UNC5C: variants seen among roughly 807,000 people sequenced by gnomAD.
UNC5C encodes the protein unc-5 netrin receptor C.
A neutral mutation model predicts 99.8 loss-of-function variants in UNC5C; 47 were observed. That is an observed-to-expected ratio of 0.47 (90% CI 0.37 to 0.60). The LOEUF (loss-of-function observed/expected upper bound fraction) is 0.60. Ranked by LOEUF, UNC5C falls within the 20% of genes least tolerant of loss-of-function variation. The pLI, the probability that UNC5C is intolerant of heterozygous loss-of-function variation, is 0.00. For synonymous variants in UNC5C, 487 were observed against 452.2 expected (o/e 1.08, Z -0.98); for missense variants, 1,062 against 1,165.9 (o/e 0.91, Z 1.30).
intron 1 of UNC5C, among the ~76,000 whole-genome samples, chr4:95,382,227 T>A (rs1218897923): frequency 6.6e-6 from 1 of 151,922 alleles, no homozygotes; most frequent in East Asian, 1.9e-4. Flanking sequence ...AATCCCAACA[T>A]TTTGGGAGGC....
At chr4:95,482,630 C>A (rs1469599693) in intron 1 of UNC5C, among the ~76,000 whole-genome samples, 4 of 145,350 alleles carry the variant, frequency 2.8e-5, no homozygotes, top group African/African-American at 1.0e-4. Flanking sequence ...CAATGATAGA[C>A]TGGATTAAGA....
chr4:95,325,187 A>G (rs1400219135), intron 2 of UNC5C, among the ~76,000 whole-genome samples: 1 of 152,194 alleles, frequency 6.6e-6, no homozygotes, highest in East Asian at 1.9e-4. Context: ...ACTGAAGATA[A>G]GATCAAGCAG....
chr4:95,287,904 G>A (rs1053554074), intron 3 of UNC5C, among the ~76,000 whole-genome samples: 2 of 152,196 alleles, frequency 1.3e-5, no homozygotes, highest in East Asian at 3.9e-4. Flanking sequence ...GGTGCTTGGT[G>A]CTGGGTATAT....
chr4:95,365,168 TCCATGTAGTC>T lies in UNC5C; in HGVS notation c.125-29547_125-29538del, dbSNP rs778307631. 8.0e-4 allele frequency among the ~76,000 whole-genome samples: 120 copies of T among 150,334 alleles called. 1 individual carries two copies. The Middle Eastern group carries it at 0.011, about 13-fold the overall frequency. ...GAAATTAACTGGGCATGGTGGCATG[TCCATGTAGTC>T]CCAGCTACTCAGGAGGCTGAGGCAA... On this transcript the variant is annotated intron_variant, in intron 1 of 15. Transcript: ENST00000453304.
intron 1 of UNC5C, among the ~76,000 whole-genome samples, chr4:95,449,370 G>A (rs1747216840): frequency 6.6e-6 from 1 of 151,982 alleles, no homozygotes; most frequent in Admixed American, 6.6e-5. Flanking sequence ...GGACACTTAT[G>A]GATTGAACAC....
At chr4:95,173,870 C>A (rs1021918142) in intron 14 of UNC5C, among the ~76,000 whole-genome samples, 2 of 151,958 alleles carry the variant, frequency 1.3e-5, no homozygotes, top group African/African-American at 4.8e-5. Flanking sequence ...CCATCTGGTC[C>A]TGGACTCTTT....
chr4:95,201,929 C>T (rs1276532370), intron 12 of UNC5C, among the ~76,000 whole-genome samples: 1 of 152,154 alleles, frequency 6.6e-6, no homozygotes, highest in African/African-American at 2.4e-5. Flanking sequence ...TTGTTTGCTT[C>T]TGTGTTTATT....
chr4:95,468,331 T>A (rs1350310006), intron 1 of UNC5C, among the ~76,000 whole-genome samples: 2 of 152,152 alleles, frequency 1.3e-5, no homozygotes, highest in East Asian at 1.9e-4. Flanking sequence ...TGTCTTTTTT[T>A]ATTATCTGGC....
intron 2 of UNC5C, among the ~76,000 whole-genome samples, chr4:95,303,548 C>T (rs774451980): frequency 2.0e-4 from 30 of 152,044 alleles, no homozygotes; most frequent in Admixed American, 2.6e-4. Flanking sequence ...TGGTGGCGCA[C>T]GCCTGTAATC....
chr4:95,413,559 T>G (rs79949836), intron 1 of UNC5C, among the ~76,000 whole-genome samples: 2,757 of 152,268 alleles, frequency 0.018, 88 homozygotes, highest in African/African-American at 0.063. Context: ...ATAATACGAT[T>G]CAGAATAATC....
intron 1 of UNC5C, among the ~76,000 whole-genome samples, chr4:95,501,172 A>C (rs1721766653): frequency 6.6e-6 from 1 of 152,120 alleles, no homozygotes; most frequent in Non-Finnish European, 1.5e-5. Context: ...TTATAGACGC[A>C]ATAAATACAT....
intron 5 of UNC5C, among the ~76,000 whole-genome samples, chr4:95,247,657 A>G (rs1170652238): frequency 6.6e-6 from 1 of 152,204 alleles, no homozygotes; most frequent in African/African-American, 2.4e-5. Context: ...AAATACTCCT[A>G]TGACCCAATA....
At chr4:95,273,264 G>T (rs949630177) in intron 4 of UNC5C, among the ~76,000 whole-genome samples, 1 of 152,156 alleles carries the variant, frequency 6.6e-6, no homozygotes, top group African/African-American at 2.4e-5. Context: ...AATTAGAGAA[G>T]CAATTATCCC....
intron 1 of UNC5C, among the ~76,000 whole-genome samples, chr4:95,359,291 T>C (rs1744308930): frequency 6.6e-6 from 1 of 152,156 alleles, no homozygotes; most frequent in African/African-American, 2.4e-5. Context: ...TACTTCTACA[T>C]TGTACAAATA....
intron 1 of UNC5C, among the ~76,000 whole-genome samples, chr4:95,474,947 C>T (rs1282115420): frequency 2.0e-5 from 3 of 152,068 alleles, no homozygotes; most frequent in Non-Finnish European, 4.4e-5. Flanking sequence ...GTTCACTTTA[C>T]AGTGCCTTGG....
intron 1 of UNC5C, among the ~76,000 whole-genome samples, chr4:95,453,582 T>A (rs751878954): frequency 1.3e-5 from 2 of 152,132 alleles, no homozygotes; most frequent in Non-Finnish European, 2.9e-5. Context: ...ACATCACTAA[T>A]GAGCTCCACC....
At chr4:95,202,512 TAAAC>T (rs1737717083) in intron 12 of UNC5C, among the ~76,000 whole-genome samples, 1 of 152,196 alleles carries the variant, frequency 6.6e-6, no homozygotes, top group Non-Finnish European at 1.5e-5. Flanking sequence ...TCAAGGAAGG[TAAAC>T]AAAGTAGCCC....
At chr4:95,295,015 A>C (rs1000608608) in intron 3 of UNC5C, among the ~76,000 whole-genome samples, 16 of 152,204 alleles carry the variant, frequency 1.1e-4, no homozygotes, top group African/African-American at 3.9e-4. Context: ...AGCTTGTGCT[A>C]TTAACCAGTC....
At chr4:95,275,207 A>G (rs1429332140) in intron 4 of UNC5C, among the ~76,000 whole-genome samples, 1 of 152,200 alleles carries the variant, frequency 6.6e-6, no homozygotes, top group Non-Finnish European at 1.5e-5. Flanking sequence ...AACTGACTAG[A>G]GAACATAGGA....
Sources: allele counts gnomAD v4.1 joint callset (sites outside exome capture counted in the v4.1 genomes callset), GRCh38; gene constraint gnomAD v4.1.1; transcripts MANE v1.5; gene names NCBI Gene and HGNC (gene_info 2026-07-23, HGNC 2026-07-21).